Variants in STXBP6 observed in about 807,000 individuals in gnomAD.
STXBP6 encodes syntaxin binding protein 6, also known as syntaxin-binding protein 6.
A neutral mutation model predicts 26.9 loss-of-function variants in STXBP6; 21 were observed. The observed-to-expected ratio is 0.78, with a 90% confidence interval of 0.55 to 1.12. STXBP6 has a LOEUF of 1.12. Among genes scored for constraint, STXBP6 ranks in the 50% most tolerant of loss-of-function variants. STXBP6 has a pLI of 0.00. For missense variants in STXBP6, 232 were observed against 257.9 expected (o/e 0.90, Z 0.69); for synonymous variants, 97 against 92.6 (o/e 1.05, Z -0.27).
chr14:24,861,772 C>T (rs2069546869), intron 2 of STXBP6, among the ~76,000 whole-genome samples: 1 of 152,180 alleles, frequency 6.6e-6, no homozygotes, highest in African/African-American at 2.4e-5. Context: ...CACACTATTT[C>T]TTAGTGTGTT....
intron 2 of STXBP6, among the ~76,000 whole-genome samples, chr14:24,951,363 A>G (rs1215450384): frequency 2.9e-5 from 4 of 136,866 alleles, no homozygotes; most frequent in African/African-American, 1.1e-4. Flanking sequence ...CCAACAGTGT[A>G]AAAGCGTTCC....
At chr14:24,951,338 T>C (rs1181493939) in intron 2 of STXBP6, among the ~76,000 whole-genome samples, 1 of 152,242 alleles carries the variant, frequency 6.6e-6, no homozygotes, top group African/African-American at 2.4e-5. Flanking sequence ...ATGGTTGGAC[T>C]AATTAACACT....
At chr14:24,989,440 T>G (rs2074411695) in intron 1 of STXBP6, among the ~76,000 whole-genome samples, 1 of 152,238 alleles carries the variant, frequency 6.6e-6, no homozygotes, top group Admixed American at 6.5e-5. Context: ...GGAACTGAAC[T>G]AAGGGCATCA....
chr14:24,996,158 T>C (rs1305507370), intron 1 of STXBP6, among the ~76,000 whole-genome samples: 1 of 152,222 alleles, frequency 6.6e-6, no homozygotes. Context: ...TAAACCTACA[T>C]ATATTTTGTT....
chr14:24,998,951 G>A (rs984104729), intron 1 of STXBP6, among the ~76,000 whole-genome samples: 6 of 151,846 alleles, frequency 4.0e-5, no homozygotes, highest in African/African-American at 9.7e-5. Context: ...CCTTAACTAC[G>A]TATATTCCTT....
At chr14:24,842,649 ATACT>A (rs2068818505) in intron 4 of STXBP6, among the ~76,000 whole-genome samples, 1 of 151,778 alleles carries the variant, frequency 6.6e-6, no homozygotes, top group Non-Finnish European at 1.5e-5. Context: ...AGCAAAGGTA[ATACT>A]TACTTTTCTC....
intron 2 of STXBP6, among the ~76,000 whole-genome samples, chr14:24,935,158 T>C (rs1017462002): frequency 4.6e-5 from 7 of 152,062 alleles, no homozygotes; most frequent in Non-Finnish European, 4.4e-5. Context: ...TTAGTAAATA[T>C]GAAAAAGCAG....
intron 1 of STXBP6, among the ~76,000 whole-genome samples, chr14:25,021,969 G>C (rs2075270586): frequency 6.6e-6 from 1 of 152,186 alleles, no homozygotes; most frequent in Admixed American, 6.5e-5. Context: ...ATAGGGAGTG[G>C]TATAGGCCTA....
At chr14:25,032,321 T>C (rs2075473655) in intron 1 of STXBP6, among the ~76,000 whole-genome samples, 7 of 152,142 alleles carry the variant, frequency 4.6e-5, no homozygotes, top group Admixed American at 3.9e-4. Context: ...AGGATCAAGA[T>C]CAAGACAACA....
chr14:24,869,996 G>T (rs558430756), intron 2 of STXBP6, among the ~76,000 whole-genome samples: 2 of 152,230 alleles, frequency 1.3e-5, no homozygotes, highest in East Asian at 3.9e-4. Flanking sequence ...CCACTGTGAA[G>T]GTAAGTAAGG....
At position 24,857,160 on chromosome 14, in the gene STXBP6, G is replaced by A; in HGVS notation, c.155-3C>T. The A allele has an allele frequency of 1.2e-6, 2 of 1,612,598 alleles. No homozygotes were observed. The highest frequency in any genetic ancestry group is 1.7e-6 in the Non-Finnish European group (2 of 1,178,976). On this transcript the variant is annotated splice_polypyrimidine_tract_variant and splice_region_variant and intron_variant, in intron 2 of 5. Transcript: ENST00000323944. ...CTGTGTGGGTTTCTTGTTTGTCACT[G>A]CCAAGAAAAGATCACTCAGATTAGT...
At chr14:24,918,550 TAAAG>T (rs977757158) in intron 2 of STXBP6, among the ~76,000 whole-genome samples, 11 of 148,358 alleles carry the variant, frequency 7.4e-5, no homozygotes, top group Non-Finnish European at 1.3e-4. Context: ...TTGGTGAAAT[TAAAG>T]AAAGGGAAAA....
chr14:25,043,787 A>G (rs1270470138), intron 1 of STXBP6, among the ~76,000 whole-genome samples: 2 of 152,114 alleles, frequency 1.3e-5, no homozygotes, highest in Non-Finnish European at 2.9e-5. Context: ...GTTCCTTTCT[A>G]TGTTTGAATA....
rs1194429067 is a variant in STXBP6, at chr14:25,008,326, G to C, written c.-32-33476C>G. On this transcript the variant is annotated intron_variant, in intron 1 of 5. Coordinates refer to ENST00000323944, the MANE Select transcript of STXBP6 (RefSeq NM_001394410.1). ...CAAGACCAGCCTGGGCATCAGAGTGGGACTCCAACTCTACAAAAAATTAGC... is the reference window on the plus strand; with the variant it reads ...CAAGACCAGCCTGGGCATCAGAGTGCGACTCCAACTCTACAAAAAATTAGC... 2.6e-5 allele frequency among the ~76,000 whole-genome samples: 4 copies of C among 152,094 alleles called. No individual in the cohort carries two copies. In the East Asian group the frequency reaches 7.7e-4, roughly 29 times the overall value.
chr14:24,894,388 T>C (rs2070901941), intron 2 of STXBP6, among the ~76,000 whole-genome samples: 1 of 152,094 alleles, frequency 6.6e-6, no homozygotes, highest in Non-Finnish European at 1.5e-5. Context: ...TGTAGGAATA[T>C]ACAAGGGGAT....
intron 2 of STXBP6, among the ~76,000 whole-genome samples, chr14:24,933,647 T>C (rs754075717): frequency 6.6e-6 from 1 of 152,188 alleles, no homozygotes; most frequent in Non-Finnish European, 1.5e-5. Flanking sequence ...ACTGAGATTA[T>C]CTTGTGAATT....
Position 24,906,192 on chromosome 14 carries a change from A to G in STXBP6, c.155-49035T>C, listed in dbSNP as rs879783172. Among the ~76,000 whole-genome samples, 4 of 152,160 alleles carry G rather than the reference A, an allele frequency of 2.6e-5. No individual in the cohort carries two copies. In the East Asian group the frequency reaches 5.8e-4, roughly 22 times the overall value. ...AATGCTCTCTATTTTTTCTCAATCC[A>G]AGCCTTACTACTACAAAATGAATGA... On this transcript the variant is annotated intron_variant, in intron 2 of 5. Transcript: ENST00000323944.
At chr14:24,994,455 C>T (rs2074549780) in intron 1 of STXBP6, among the ~76,000 whole-genome samples, 1 of 152,146 alleles carries the variant, frequency 6.6e-6, no homozygotes, top group Non-Finnish European at 1.5e-5. Flanking sequence ...ATTTCCTTTC[C>T]ACTCTTTCAA....
Position 24,819,076 on chromosome 14 carries a change from C to T in STXBP6, c.570G>A (p.Leu190=), listed in dbSNP as rs371518202. Residue 190 remains leucine, a synonymous_variant, in exon 5 of 6, where the codon CTG becomes CTA. Coordinates refer to ENST00000323944, the MANE Select transcript of STXBP6 (RefSeq NM_001394410.1). The part of the protein sequence containing the change: ...LGRAEEKTED[L]KNSAQQFAET... ...CTGCAAACTGCTGGGCGCTGTTCTT[C>T]AGGTCTTCTGTCTTCTCCTCTGCTC... 14 of 1,611,868 alleles carry T rather than the reference C, an allele frequency of 8.7e-6. No homozygotes were observed. In the African/African-American group the frequency reaches 1.5e-4, roughly 17 times the overall value.
Sources: allele counts gnomAD v4.1 joint callset (sites outside exome capture counted in the v4.1 genomes callset), GRCh38; gene constraint gnomAD v4.1.1; transcripts MANE v1.5; gene names NCBI Gene and HGNC (gene_info 2026-07-23, HGNC 2026-07-21).